SIX5: variants seen among roughly 807,000 people sequenced by gnomAD.
SIX5 encodes the protein homeobox protein SIX5.
A neutral mutation model predicts 37.1 loss-of-function variants in SIX5; 21 were observed. The ratio of observed to expected loss-of-function variants is 0.57; its 90% CI spans 0.40 to 0.81. The LOEUF is 0.81. SIX5 is among the 40% of genes least tolerant of loss of function. The pLI is 0.00. For synonymous variants in SIX5, 626 were observed against 505.9 expected (o/e 1.24, Z -3.19); for missense variants, 1,137 against 1,025.1 (o/e 1.11, Z -1.49).
In SIX5 at chr19:45,766,962, A is replaced by C; in HGVS notation, c.997T>G (p.Ser333Ala). Reference protein sequence around the residue: ...VNGSFLAASGSPAVLLNGGPV... With the variant: ...VNGSFLAASGAPAVLLNGGPV... ...CCCCCGTTGAGGAGCACTGCTGGGG[A>C]GCCGCTGGCTGCCAGGAAGCTCCCG... is the stretch of plus-strand genomic sequence containing the variant. The change falls in exon 2 of 3, where the codon TCC (serine) becomes GCC (alanine). Residue 333 changes from serine to alanine, a missense_variant. Coordinates refer to ENST00000317578, the MANE Select transcript of SIX5 (RefSeq NM_175875.5). The C allele has an allele frequency of 6.3e-7, 1 of 1,589,426 alleles. No homozygotes were observed. The highest frequency in any genetic ancestry group is 8.5e-7 in the Non-Finnish European group (1 of 1,170,170).
Position 45,768,721 on chromosome 19 carries a change from C to A in SIX5, c.124G>T (p.Ala42Ser). 4 of 1,435,276 alleles carry A rather than the reference C, an allele frequency of 2.8e-6. No individual in the cohort carries two copies. The highest frequency in any genetic ancestry group is 3.6e-6 in the Non-Finnish European group (4 of 1,098,420). The allele number at this position is 1,435,276 out of a possible 1,614,324, so 88.9% of individuals were successfully genotyped here. A position where few individuals can be genotyped will look rare whatever the true frequency, so the allele number is the denominator to read the frequency against. The stretch of plus-strand genomic sequence containing the variant: ...GCCGCCGCCGCCGCCTCACCCTCGG[C>A]CGCCTGCAAAGTCTGCAAGAGCTGG... ...ARQLLQTLQA[A>S]EGEAAAAAGA... The change falls in exon 1 of 3, where the codon GCC becomes TCC. Residue 42 changes from alanine to serine, a missense_variant. Physicochemically the swap from Ala to Ser is moderately conservative, Grantham distance 99 (BLOSUM62 1). This residue lies in a region of SIX5 where 331 missense variants were observed against 360.9 expected (regional missense o/e 0.92). Transcript: ENST00000317578.
chr19:45,769,128 C>G lies in SIX5; in HGVS notation c.-284G>C. On this transcript the variant is annotated 5_prime_UTR_variant, in exon 1 of 3. Transcript: ENST00000317578. ...GCCTCCCCCCAGCGTGTGCTTCTGG[C>G]TCAGGGCCTCAGTTTCCCCATCGGG... 2.1e-6 allele frequency: 1 copy of G among 471,674 alleles called. No individual in the cohort carries two copies. The highest frequency in any genetic ancestry group is 2.9e-5 in the South Asian group (1 of 34,342). The allele number at this position is 471,674 out of a possible 1,614,324, so 29.2% of individuals were successfully genotyped here. A position where few individuals can be genotyped will look rare whatever the true frequency, so the allele number is the denominator to read the frequency against.
At position 45,766,752 on chromosome 19, in the gene SIX5, G is replaced by C. The variant is rs765261426; in HGVS notation, c.1207C>G (p.Pro403Ala). The change falls in exon 2 of 3, where the codon CCT (proline) becomes GCT (alanine). Residue 403 changes from proline (P) to alanine (A), a missense_variant. Pro to Ala is a conservative substitution (Grantham distance 27, BLOSUM62 -1). Transcript: ENST00000317578. ...VRLEEAQSEA[P>A]ETKGAQVAAP... is the part of the protein sequence containing the mutation. ...GCCACCTGGGCCCCTTTGGTCTCAG[G>C]GGCCTCCGACTGAGCCTCCTCCAGC... is the stretch of plus-strand genomic sequence containing the variant. 6.3e-7 allele frequency: 1 copy of C among 1,580,448 alleles called. No homozygotes were observed. Among genetic ancestry groups the C allele is most frequent in the East Asian group, 2.3e-5 (1 of 42,720 alleles).
rs1393726443 is a variant in SIX5, at chr19:45,765,992, G to A, written c.1729C>T (p.Leu577=). Residue 577 remains leucine (L), a synonymous_variant, in exon 3 of 3, where the codon CTG becomes TTG. Coordinates refer to ENST00000317578, the MANE Select transcript of SIX5 (RefSeq NM_175875.5). The stretch of plus-strand genomic sequence containing the variant: ...AGGGCCAGGCCGGGGGCTGGCGGCA[G>A]GACCTGGGAGACGAGCATGCTGGTG... ...FPTSMLVSQV[L]PPAPGLALPL... The A allele has an allele frequency of 6.3e-7, 1 of 1,599,818 alleles. No homozygotes were observed. Among genetic ancestry groups the A allele is most frequent in the Non-Finnish European group, 8.5e-7 (1 of 1,174,002 alleles).
rs1273795670 is a variant in SIX5 at position 45,769,216 on chromosome 19, T to C, written c.-372A>G. On this transcript the variant is annotated 5_prime_UTR_variant, in exon 1 of 3. Transcript: ENST00000317578. ...GGGCGCGAAGCCTCCGCCCCGAGAC[T>C]GAGCTTCTGCACGCCTCCGTCTCCA... 1 of 219,492 alleles carries C rather than the reference T, an allele frequency of 4.6e-6. No individual in the cohort carries two copies. The highest frequency in any genetic ancestry group is 2.3e-5 in the African/African-American group (1 of 43,568). The allele number at this position is 219,492 out of a possible 1,614,324, so 13.6% of individuals were successfully genotyped here. A position where few individuals can be genotyped will look rare whatever the true frequency, so the allele number is the denominator to read the frequency against.
At position 45,768,494 on chromosome 19, in the gene SIX5, G is replaced by T; in HGVS notation, c.351C>A (p.Ala117=). 1 of 1,503,982 alleles carries T rather than the reference G, an allele frequency of 6.6e-7. No homozygotes were observed. Among genetic ancestry groups the T allele is most frequent in the Non-Finnish European group, 8.8e-7 (1 of 1,133,962 alleles). 93.2% of individuals were successfully genotyped at this position (1,503,982 alleles called of 1,614,324 possible). A position where few individuals can be genotyped will look rare whatever the true frequency, so the allele number is the denominator to read the frequency against. ...CCGGGTCGCTGCCACGTAGGCGCTCGGCCGGGGGCAGTGCGCCCAGGAAGC... is the reference window on the plus strand; with the variant it reads ...CCGGGTCGCTGCCACGTAGGCGCTCTGCCGGGGGCAGTGCGCCCAGGAAGC... The part of the protein sequence containing the change: ...LSRFLGALPP[A]ERLRGSDPVL... Residue 117 remains alanine (A), a synonymous_variant, in exon 1 of 3, where the codon GCC becomes GCA. Transcript: ENST00000317578.
At chr19:45,767,288 A>C (rs1349286787) in intron 1 of SIX5, 133 bp from the exon 2 acceptor site, 2 of 900,126 alleles carry the variant, frequency 2.2e-6, no homozygotes, top group East Asian at 5.3e-5. Flanking sequence ...CGCCTCTCTG[A>C]GACCACTCCA....
chr19:45,765,823 C>T lies in SIX5; in HGVS notation c.1898G>A (p.Ser633Asn). 3 of 1,602,424 alleles carry T rather than the reference C, an allele frequency of 1.9e-6. No homozygotes were observed. Among genetic ancestry groups the T allele is most frequent in the Non-Finnish European group, 2.5e-6 (3 of 1,179,686 alleles). The change falls in exon 3 of 3, where the codon AGC (serine) becomes AAC (asparagine). Residue 633 changes from serine (S) to asparagine (N), a missense_variant. By Grantham distance (46) the Ser-to-Asn change is conservative. This residue lies in a region of SIX5 where 787 missense variants were observed against 621.4 expected (regional missense o/e 1.27). Coordinates refer to ENST00000317578, the MANE Select transcript of SIX5 (RefSeq NM_175875.5). ...AGGGGAGTCAGGGGAGAAGGGCAGG[C>T]TGGTGCTGGAGGTGGTGGCAGCGGC... ...PPAAATTSST[S>N]LPFSPDSPGL...
rs954072727 is a variant in SIX5, at chr19:45,769,222, T to C, written c.-378A>G. The C allele has an allele frequency of 9.7e-6, 2 of 206,758 alleles. No individual in the cohort carries two copies. Among genetic ancestry groups the C allele is most frequent in the Non-Finnish European group, 1.9e-5 (2 of 103,286 alleles). 12.8% of individuals were successfully genotyped at this position (206,758 alleles called of 1,614,324 possible). A position where few individuals can be genotyped will look rare whatever the true frequency, so the allele number is the denominator to read the frequency against. The stretch of plus-strand genomic sequence containing the variant: ...GAAGCCTCCGCCCCGAGACTGAGCT[T>C]CTGCACGCCTCCGTCTCCAGGGTCC... On this transcript the variant is annotated 5_prime_UTR_variant, in exon 1 of 3. Coordinates refer to ENST00000317578, the MANE Select transcript of SIX5 (RefSeq NM_175875.5).
rs369030807 is a variant in SIX5, at chr19:45,766,100, G to T, written c.1621C>A (p.Leu541Met). Residue 541 changes from leucine to methionine, a missense_variant, in exon 3 of 3, where the codon CTG (leucine) becomes ATG (methionine). Coordinates refer to ENST00000317578, the MANE Select transcript of SIX5 (RefSeq NM_175875.5). ...GGGCTGCCAGACACAGGGTTGGCCA[G>T]GAGGAAGTTTCCTGTGGGGAGAGAG... ...PSATAPGNFL[L>M]ANPVSGSPIV... The T allele has an allele frequency of 2.7e-5, 44 of 1,611,508 alleles. No homozygotes were observed. The highest frequency in any genetic ancestry group is 3.6e-5 in the Non-Finnish European group (43 of 1,179,106).
In SIX5 at chr19:45,766,770, C is replaced by T. The variant is rs1187608351; in HGVS notation, c.1189G>A (p.Glu397Lys). 1.3e-6 allele frequency: 2 copies of T among 1,580,780 alleles called. No homozygotes were observed. Among genetic ancestry groups the T allele is most frequent in the Non-Finnish European group, 1.7e-6 (2 of 1,166,424 alleles). The change falls in exon 2 of 3, where the codon GAG becomes AAG. Residue 397 changes from glutamate to lysine, a missense_variant. Glu to Lys is a moderately conservative substitution (Grantham distance 56, BLOSUM62 1). Transcript: ENST00000317578. ...DPQTGEVRLE[E>K]AQSEAPETKG... ...GTCTCAGGGGCCTCCGACTGAGCCT[C>T]CTCCAGCCGCACCTCCCCTGTCTGA...
Position 45,765,216 on chromosome 19 carries a change from G to C in SIX5, c.*285C>G. ...CTTACAGCTAGTACCAAGTGGAGGG[G>C]GCAGGGCCCCTGAGTCAGGACCCTG... is the stretch of plus-strand genomic sequence containing the variant. On this transcript the variant is annotated 3_prime_UTR_variant, in exon 3 of 3. Coordinates refer to ENST00000317578, the MANE Select transcript of SIX5 (RefSeq NM_175875.5). 1 of 544,810 alleles carries C rather than the reference G, an allele frequency of 1.8e-6. No individual in the cohort carries two copies. The highest frequency in any genetic ancestry group is 3.1e-5 in the Admixed American group (1 of 32,256). The allele number at this position is 544,810 out of a possible 1,614,324, so 33.7% of individuals were successfully genotyped here. A position where few individuals can be genotyped will look rare whatever the true frequency, so the allele number is the denominator to read the frequency against.
chr19:45,768,164 C>A lies in SIX5; in HGVS notation c.681G>T (p.Thr227=). The A allele has an allele frequency of 6.2e-7, 1 of 1,612,496 alleles. No individual in the cohort carries two copies. Among genetic ancestry groups the A allele is most frequent in the Non-Finnish European group, 8.5e-7 (1 of 1,179,694 alleles). ...KACYRGNRYP[T]PDEKRRLATL... is the part of the protein sequence containing the mutation. The stretch of plus-strand genomic sequence containing the variant: ...TGGCCAGGCGGCGCTTCTCGTCCGG[C>A]GTGGGGTAGCGGTTGCCGCGGTAGC... Residue 227 remains threonine, a synonymous_variant, in exon 1 of 3, where the codon ACG becomes ACT. Transcript: ENST00000317578.
In SIX5 at chr19:45,767,087, G is replaced by A. The variant is rs1480139274; in HGVS notation, c.872C>T (p.Ala291Val). ...SRSPEDLERG[A>V]APVSAEAAAQ... ...AGCGGCCTCGGCGGACACTGGGGCC[G>A]CCCCTCTCTCCAGGTCCTCAGGACT... The change falls in exon 2 of 3, where the codon GCG becomes GTG. Residue 291 changes from alanine (A) to valine (V), a missense_variant. Around this residue, in one of 3 missense-constraint regions of SIX5, gnomAD observed 787 missense variants for 621.4 expected, o/e 1.27. Transcript: ENST00000317578. 1 of 1,609,990 alleles carries A rather than the reference G, an allele frequency of 6.2e-7. No individual in the cohort carries two copies. The highest frequency in any genetic ancestry group is 8.5e-7 in the Non-Finnish European group (1 of 1,178,076).
intron 1 of SIX5, 199 bp downstream of exon 1, chr19:45,767,843 G>A: frequency 3.4e-6 from 2 of 595,510 alleles, no homozygotes; most frequent in South Asian, 2.1e-5. Context: ...GGAGACGCGT[G>A]CGGGGAGAGG....
chr19:45,765,109 C>T lies in SIX5; in HGVS notation c.*392G>A. 3.5e-6 allele frequency: 1 copy of T among 284,200 alleles called. No homozygotes were observed. Among genetic ancestry groups the T allele is most frequent in the East Asian group, 7.8e-5 (1 of 12,804 alleles). 17.6% of individuals were successfully genotyped at this position (284,200 alleles called of 1,614,324 possible). Reference sequence around the variant, plus strand: ...CAGTTGTGACAACACCAGCTATCGGCAGAGCTATTAATAGTGTTTCAGGGA... The same window carrying T: ...CAGTTGTGACAACACCAGCTATCGGTAGAGCTATTAATAGTGTTTCAGGGA... On this transcript the variant is annotated 3_prime_UTR_variant, in exon 3 of 3. Coordinates refer to ENST00000317578, the MANE Select transcript of SIX5 (RefSeq NM_175875.5).
rs1969171779 is a variant in SIX5 at position 45,769,176 on chromosome 19, G to A, written c.-332C>T. The A allele has an allele frequency of 3.2e-6, 1 of 313,748 alleles. No homozygotes were observed. The highest frequency in any genetic ancestry group is 2.2e-5 in the African/African-American group (1 of 46,024). 19.4% of individuals were successfully genotyped at this position (313,748 alleles called of 1,614,324 possible). On this transcript the variant is annotated 5_prime_UTR_variant, in exon 1 of 3. The change creates a new upstream start codon in the 5' untranslated region. Transcript: ENST00000317578. The stretch of plus-strand genomic sequence containing the variant: ...GGGACAACGCAGAAGGTAACGGGCC[G>A]TCCAGGAGGACTAAGGGCGCGAAGC...
chr19:45,765,091 GACA>G lies in SIX5; in HGVS notation c.*407_*409del, dbSNP rs1227831822. The G allele has an allele frequency of 2.8e-5, 7 of 252,760 alleles. No homozygotes were observed. The highest frequency in any genetic ancestry group is 4.7e-5 in the Non-Finnish European group (6 of 126,432). 15.7% of individuals were successfully genotyped at this position (252,760 alleles called of 1,614,324 possible). On this transcript the variant is annotated 3_prime_UTR_variant, in exon 3 of 3. Coordinates refer to ENST00000317578, the MANE Select transcript of SIX5 (RefSeq NM_175875.5). ...CCACCTTCGGATTCCAGGCAGTTGT[GACA>G]ACACCAGCTATCGGCAGAGCTATTA...
At position 45,768,815 on chromosome 19, in the gene SIX5, C is replaced by G; in HGVS notation, c.30G>C (p.Ala10=). 1 of 1,529,280 alleles carries G rather than the reference C, an allele frequency of 6.5e-7. No homozygotes were observed. The highest frequency in any genetic ancestry group is 8.7e-7 in the Non-Finnish European group (1 of 1,144,054). The allele number at this position is 1,529,280 out of a possible 1,614,324, so 94.7% of individuals were successfully genotyped here. A position where few individuals can be genotyped will look rare whatever the true frequency, so the allele number is the denominator to read the frequency against. MATLPAEPS[A]GPAAGGEAVA... ...CCGCCTCCCCCCCAGCCGCCGGCCC[C>G]GCGCTCGGCTCCGCAGGCAAGGTAG... The change falls in exon 1 of 3, where the codon GCG becomes GCC. Residue 10 remains alanine, a synonymous_variant. Coordinates refer to ENST00000317578, the MANE Select transcript of SIX5 (RefSeq NM_175875.5).
Sources: gnomAD v4.1 joint callset for allele counts on GRCh38, gnomAD v4.1.1 for gene constraint, gnomAD v4.1.1 regional missense constraint, MANE v1.5 for transcripts, NCBI Gene and HGNC (gene_info 2026-07-23, HGNC 2026-07-21) for gene names.